Variants in IL1RL1 observed in about 807,000 individuals in gnomAD.
IL1RL1 encodes interleukin-1 receptor-like 1.
Under a neutral mutation model 50.9 loss-of-function variants are expected in IL1RL1, and 32 were observed. The observed-to-expected ratio is 0.63, with a 90% CI of 0.47 to 0.84. IL1RL1 has a LOEUF of 0.84. IL1RL1 is among the 40% of genes least tolerant of loss of function. The pLI is 0.00. For missense variants in IL1RL1, 773 were observed against 662.9 expected (o/e 1.17, Z -1.82); for synonymous variants, 275 against 236.0 (o/e 1.17, Z -1.51).
chr2:102,340,921 C>A, intron 5 of IL1RL1, 93 bp downstream of exon 5: 1 of 957,060 alleles, frequency 1.0e-6, no homozygotes, highest in Non-Finnish European at 1.5e-6. Context: ...TTGCACTTCT[C>A]CCTCCTCCCT....
In IL1RL1 at chr2:102,339,065, C is replaced by T. The variant is rs901977706; in HGVS notation, c.272+18C>T. ...GTCAGAAGGTATTATGCAGAAGGCT[C>T]CCATCTTCTTTCACCCTGCTCCCCT... On this transcript the variant is annotated intron_variant, in intron 3 of 10. Coordinates refer to ENST00000233954, the MANE Select transcript of IL1RL1 (RefSeq NM_016232.5). 1.9e-6 allele frequency: 3 copies of T among 1,553,486 alleles called. No individual in the cohort carries two copies. Among genetic ancestry groups the T allele is most frequent in the African/African-American group, 1.7e-5 (1 of 57,754 alleles).
chr2:102,311,984 T>TA (rs1676513333), intron 1 of IL1RL1, among the ~76,000 whole-genome samples: 2 of 28,888 alleles, frequency 6.9e-5, no homozygotes, highest in Admixed American at 5.6e-4. Flanking sequence ...ATATATAATA[T>TA]ATATTATATA....
intron 1 of IL1RL1, among the ~76,000 whole-genome samples, chr2:102,315,255 G>A (rs1676643864): frequency 6.6e-6 from 1 of 152,038 alleles, no homozygotes; most frequent in Admixed American, 6.6e-5. Context: ...TCCCCCTGGG[G>A]TTGCAGGTCA....
At chr2:102,341,354 T>C in intron 5 of IL1RL1, 2 of 1,214,446 alleles carry the variant, frequency 1.6e-6, no homozygotes, top group Non-Finnish European at 2.1e-6. Context: ...ATCAATGGCC[T>C]TGAGTAAGTC....
chr2:102,345,881 C>G (rs62152662), intron 8 of IL1RL1: 1 of 984,956 alleles, frequency 1.0e-6, no homozygotes, highest in Non-Finnish European at 1.2e-6. Context: ...ATCCATCCAG[C>G]CTGCCCACTC....
chr2:102,342,145 A>G (rs1221999019), intron 5 of IL1RL1, 78 bp from the exon 6 acceptor site: 2 of 1,015,988 alleles, frequency 2.0e-6, no homozygotes, highest in Non-Finnish European at 3.0e-6. Context: ...GAAATAGAAT[A>G]GAAACATGAA....
At position 102,340,261 on chromosome 2, in the gene IL1RL1, G is replaced by C; in HGVS notation, c.436G>C (p.Glu146Gln). 1.3e-6 allele frequency: 2 copies of C among 1,592,918 alleles called. No homozygotes were observed. Among genetic ancestry groups the C allele is most frequent in the Non-Finnish European group, 1.7e-6 (2 of 1,175,224 alleles). Residue 146 changes from glutamate to glutamine, a missense_variant, in exon 4 of 11, where the codon GAG (glutamate) becomes CAG (glutamine). Glu to Gln is a conservative substitution (Grantham distance 29, BLOSUM62 2). Coordinates refer to ENST00000233954, the MANE Select transcript of IL1RL1 (RefSeq NM_016232.5). ...IDLYNWTAPL[E>Q]WFKNCQALQG... is the part of the protein sequence containing the mutation. ...CCTCTACAACTGGACAGCACCTCTT[G>C]AGTGGTTTAAGGTAAGAAGAAATTT...
At chr2:102,327,343 A>G (rs960174278) in intron 1 of IL1RL1, among the ~76,000 whole-genome samples, 19 of 151,790 alleles carry the variant, frequency 1.3e-4, no homozygotes, top group Non-Finnish European at 4.4e-5. Flanking sequence ...TCTCTGGGAC[A>G]TATTTAAAGC....
In IL1RL1 at chr2:102,345,904, T is replaced by G. The variant is rs907680612; in HGVS notation, c.971-2041T>G. 1.4e-4 allele frequency: 135 copies of G among 985,354 alleles called. 2 individuals are homozygous for G. The highest frequency in any genetic ancestry group is 1.0e-3 in the Admixed American group (17 of 16,250). The allele number at this position is 985,354 out of a possible 1,614,324, so 61.0% of individuals were successfully genotyped here. The stretch of plus-strand genomic sequence containing the variant: ...AGCCTGCCCACTCACACTGCCCTTG[T>G]GTACTCCTGCTTTGCTACGTTATCA... On this transcript the variant is annotated intron_variant, in intron 8 of 10. Coordinates refer to ENST00000233954, the MANE Select transcript of IL1RL1 (RefSeq NM_016232.5).
chr2:102,318,100 TG>T (rs1300556895), intron 1 of IL1RL1, among the ~76,000 whole-genome samples: 1 of 152,116 alleles, frequency 6.6e-6, no homozygotes, highest in Non-Finnish European at 1.5e-5. Context: ...ATTTGGCTTT[TG>T]TTGGGTAAAG....
chr2:102,315,230 G>A (rs530675413), intron 1 of IL1RL1, among the ~76,000 whole-genome samples: 12 of 152,254 alleles, frequency 7.9e-5, no homozygotes, highest in African/African-American at 2.9e-4. Context: ...GGGAAAAGGA[G>A]TGGGATGATG....
At chr2:102,330,187 G>T (rs1464036718) in intron 1 of IL1RL1, among the ~76,000 whole-genome samples, 1 of 152,186 alleles carries the variant, frequency 6.6e-6, no homozygotes, top group Non-Finnish European at 1.5e-5. Context: ...CATGTCCTTT[G>T]TAGGGACATG....
chr2:102,319,903 A>G (rs1367519140), intron 1 of IL1RL1, among the ~76,000 whole-genome samples: 1 of 152,138 alleles, frequency 6.6e-6, no homozygotes. Flanking sequence ...TGCCCAGGCT[A>G]GTGTTGAACT....
chr2:102,351,163 A>G (rs1176342248), intron 10 of IL1RL1, among the ~76,000 whole-genome samples: 1 of 152,200 alleles, frequency 6.6e-6, no homozygotes, highest in Non-Finnish European at 1.5e-5. Context: ...AAGCCATTGA[A>G]AAACATATAA....
chr2:102,322,439 C>T (rs931474264), intron 1 of IL1RL1, among the ~76,000 whole-genome samples: 3 of 152,130 alleles, frequency 2.0e-5, no homozygotes, highest in African/African-American at 7.2e-5. Context: ...ACAACTTGTT[C>T]TATGAATAAT....
intron 8 of IL1RL1, chr2:102,345,862 C>A: frequency 1.0e-6 from 1 of 985,356 alleles, no homozygotes; most frequent in Non-Finnish European, 1.2e-6. Context: ...CCCAGTAGAC[C>A]CTGCAGCCAT....
chr2:102,311,945 TATATATAATATA>T lies in IL1RL1; in HGVS notation c.-150+323_-150+334del, dbSNP rs1559592059. The stretch of plus-strand genomic sequence containing the variant: ...ATATAATATATATTATATATAATAT[TATATATAATATA>T]TATTATATATAATATTATATATAAT... On this transcript the variant is annotated intron_variant, in intron 1 of 10. Coordinates refer to ENST00000233954, the MANE Select transcript of IL1RL1 (RefSeq NM_016232.5). Among the ~76,000 whole-genome samples the T allele has an allele frequency of 8.8e-5, 3 of 34,100 alleles. No homozygotes were observed. In the East Asian group the frequency reaches 4.5e-3, roughly 51 times the overall value. 22.4% of individuals were successfully genotyped at this position (34,100 alleles called of 152,430 possible). A position where few individuals can be genotyped will look rare whatever the true frequency, so the allele number is the denominator to read the frequency against.
At chr2:102,320,392 C>A (rs1025407477) in intron 1 of IL1RL1, among the ~76,000 whole-genome samples, 1 of 152,078 alleles carries the variant, frequency 6.6e-6, no homozygotes, top group African/African-American at 2.4e-5. Flanking sequence ...CTCTATTGTG[C>A]CCTCATGGCC....
chr2:102,333,196 T>A (rs1677221649), intron 1 of IL1RL1, among the ~76,000 whole-genome samples: 1 of 152,044 alleles, frequency 6.6e-6, no homozygotes, highest in Non-Finnish European at 1.5e-5. Context: ...GGAATATACT[T>A]AAGAGGGTAC....
Sources: gnomAD v4.1 joint callset for allele counts (sites outside exome capture counted in the v4.1 genomes callset) on GRCh38, gnomAD v4.1.1 for gene constraint, MANE v1.5 for transcripts, NCBI Gene and HGNC (gene_info 2026-07-23, HGNC 2026-07-21) for gene names.